Variants in PRKAR1A observed in about 807,000 individuals in gnomAD.
The protein encoded by PRKAR1A is cAMP-dependent protein kinase type I-alpha regulatory subunit.
A neutral mutation model predicts 52.0 loss-of-function variants in PRKAR1A; 3 were observed. The ratio of observed to expected loss-of-function variants is 0.06; its 90% CI spans 0.03 to 0.15. The LOEUF is 0.15. PRKAR1A is among the 10% of genes least tolerant of loss of function. The pLI is 1.00. For missense variants in PRKAR1A, 240 were observed against 477.4 expected, an observed-to-expected ratio of 0.50 and a Z score of 4.63; for synonymous variants, 188 against 168.4, an observed-to-expected ratio of 1.12 and a Z score of -0.90.
chr17:68,464,715 AAC>A, the PRKAR1A span, among the ~76,000 whole-genome samples: 1 of 150,742 alleles, frequency 6.6e-6, no homozygotes, highest in South Asian at 2.1e-4. Flanking sequence ...AAACAAAAAA[AAC>A]ACCTAACATT....
chr17:68,457,536 C>CTACCCT, the PRKAR1A span: 1 of 238,560 alleles, frequency 4.2e-6, no homozygotes, highest in East Asian at 1.0e-4. Context: ...TACCCCGCCC[C>CTACCCT]GTCCCCACCC....
chr17:68,425,894 A>T, the PRKAR1A span: 6 of 593,114 alleles, frequency 1.0e-5, no homozygotes, highest in Non-Finnish European at 1.8e-5. Flanking sequence ...CCTAAAGCCT[A>T]CTCTGTAGGA....
downstream of PRKAR1A, chr17:68,536,015 T>TG (rs2143429396): frequency 2.2e-6 from 1 of 454,134 alleles, no homozygotes; most frequent in African/African-American, 2.0e-5. Context: ...ACCTGTGTGT[T>TG]GCTTCTGTAG....
the PRKAR1A span, among the ~76,000 whole-genome samples, chr17:68,490,788 A>G: frequency 6.6e-6 from 1 of 152,178 alleles, no homozygotes; most frequent in African/African-American, 2.4e-5. Context: ...TTTGGGTTCC[A>G]GAATGAAGCA....
chr17:68,530,047 A>G, intron 10 of PRKAR1A, 46 bp downstream of exon 10: 2 of 1,579,884 alleles, frequency 1.3e-6, no homozygotes, highest in Admixed American at 3.3e-5. Flanking sequence ...TCTTTAAGTC[A>G]CCTCTCAGTG....
the PRKAR1A span, among the ~76,000 whole-genome samples, chr17:68,415,623 A>G: frequency 6.6e-6 from 1 of 152,120 alleles, no homozygotes; most frequent in Admixed American, 6.5e-5. Context: ...TGGAGTATTG[A>G]AGTCCCCCAC....
chr17:68,542,053 G>T, intron 11 of PRKAR1A: 1 of 1,614,170 alleles, frequency 6.2e-7, no homozygotes, highest in Admixed American at 1.7e-5. Context: ...GGGCCAGGTT[G>T]AGGGACGGCA....
chr17:68,544,979 C>T (rs1236779557), intron 11 of PRKAR1A, among the ~76,000 whole-genome samples: 1 of 152,186 alleles, frequency 6.6e-6, no homozygotes, highest in Admixed American at 6.5e-5. Context: ...CGTCTCATTG[C>T]ACATTATATT....
chr17:68,424,769 C>T, the PRKAR1A span, among the ~76,000 whole-genome samples: 1 of 152,052 alleles, frequency 6.6e-6, no homozygotes, highest in African/African-American at 2.4e-5. Flanking sequence ...TGCAGCTACT[C>T]GGGAGGCTGA....
chr17:68,424,531 A>T, the PRKAR1A span: 1 of 533,454 alleles, frequency 1.9e-6, no homozygotes. Flanking sequence ...TCAGTGCCCA[A>T]GTGGCAGCTC....
At chr17:68,458,541 C>T in the PRKAR1A span, among the ~76,000 whole-genome samples, 6 of 152,188 alleles carry the variant, frequency 3.9e-5, no homozygotes, top group African/African-American at 7.2e-5. Flanking sequence ...AAGACCTATC[C>T]GATCCGCAGC....
chr17:68,421,804 C>T, the PRKAR1A span: 5 of 1,614,206 alleles, frequency 3.1e-6, no homozygotes, highest in East Asian at 2.2e-5. Flanking sequence ...CTTCTGATTT[C>T]CACGGCACAA....
chr17:68,444,510 A>G, the PRKAR1A span: 1 of 1,613,782 alleles, frequency 6.2e-7, no homozygotes, highest in Non-Finnish European at 8.5e-7. Flanking sequence ...GTTTGCAGGA[A>G]TATCCAGGAG....
At chr17:68,524,760 T>C (rs1052107810) in intron 5 of PRKAR1A, 152 bp from the exon 6 acceptor site, 7 of 685,970 alleles carry the variant, frequency 1.0e-5, no homozygotes, top group African/African-American at 1.8e-5. Flanking sequence ...TTTTAAAATA[T>C]GTTGCTTGAT....
At chr17:68,466,419 T>TC in the PRKAR1A span, among the ~76,000 whole-genome samples, 1 of 148,014 alleles carries the variant, frequency 6.8e-6, no homozygotes, top group Non-Finnish European at 1.5e-5. Flanking sequence ...CTTTTTTTTT[T>TC]TTTTTTTTTT....
chr17:68,487,981 AAG>A, the PRKAR1A span, among the ~76,000 whole-genome samples: 11 of 151,938 alleles, frequency 7.2e-5, no homozygotes, highest in Non-Finnish European at 1.3e-4. Flanking sequence ...GTTTGTATGA[AAG>A]AGAGAGAGAG....
the PRKAR1A span, among the ~76,000 whole-genome samples, chr17:68,477,152 A>C: frequency 6.6e-6 from 1 of 152,178 alleles, no homozygotes; most frequent in Non-Finnish European, 1.5e-5. Context: ...CACAACAATC[A>C]TCTTTGCATA....
intron 11 of PRKAR1A, chr17:68,542,170 A>C: frequency 1.2e-6 from 2 of 1,613,432 alleles, no homozygotes; most frequent in Non-Finnish European, 1.7e-6. Context: ...TGCTCGCTGG[A>C]GGATGGGGAG....
At chr17:68,450,696 G>A in the PRKAR1A span, 1 of 1,577,620 alleles carries the variant, frequency 6.3e-7, no homozygotes. Flanking sequence ...GTTAGCAGAA[G>A]CTTTGAAACC....
Sources: allele counts gnomAD v4.1 joint callset (sites outside exome capture counted in the v4.1 genomes callset), GRCh38; gene constraint gnomAD v4.1.1; transcripts MANE v1.5; gene names NCBI Gene and HGNC (gene_info 2026-07-23, HGNC 2026-07-21).